The following VAV1 variants were observed in gnomAD, a reference collection of about 807,000 sequenced individuals.
VAV1 encodes the protein proto-oncogene vav.
In VAV1, 33 loss-of-function variants were observed where a neutral mutation model predicts 128.1. That is an observed-to-expected ratio of 0.26 (90% CI 0.20 to 0.34). VAV1 has a LOEUF of 0.34. VAV1 is among the 10% of genes least tolerant of loss of function. VAV1 has a pLI of 1.00. For synonymous variants in VAV1, 394 were observed against 409.8 expected, an observed-to-expected ratio of 0.96 and a Z score of 0.47; for missense variants, 715 against 1,093.7, an observed-to-expected ratio of 0.65 and a Z score of 4.88.
chr19:6,823,262 A>T (rs954353410), intron 6 of VAV1, among the ~76,000 whole-genome samples: 9 of 150,184 alleles, frequency 6.0e-5, no homozygotes, highest in Non-Finnish European at 1.3e-4. Flanking sequence ...AGTAGCTGGG[A>T]TTACAGGCAT....
rs188161586 is a variant in VAV1, at chr19:6,776,826, C to T, written c.204+3815C>T. The stretch of plus-strand genomic sequence containing the variant: ...AGGCTGGAGTGCAGGGGCATGATCT[C>T]GGCTCACTGCAACGTCTGCTTCCTA... On this transcript the variant is annotated intron_variant, in intron 1 of 26. Coordinates refer to ENST00000602142, the MANE Select transcript of VAV1 (RefSeq NM_005428.4). Among the ~76,000 whole-genome samples, 136 of 152,172 alleles carry T rather than the reference C, an allele frequency of 8.9e-4. No homozygotes were observed. In the East Asian group the frequency reaches 0.021, roughly 24 times the overall value.
At chr19:6,794,191 A>C (rs1971077667) in intron 1 of VAV1, among the ~76,000 whole-genome samples, 1 of 151,906 alleles carries the variant, frequency 6.6e-6, no homozygotes, top group African/African-American at 2.4e-5. Context: ...GTAATAAATC[A>C]ATTATTAGTT....
chr19:6,799,900 A>G (rs1052895523), intron 1 of VAV1, among the ~76,000 whole-genome samples: 1 of 151,630 alleles, frequency 6.6e-6, no homozygotes, highest in South Asian at 2.1e-4. Flanking sequence ...AGCTGCTATG[A>G]ACATTCTGTA....
intron 26 of VAV1, among the ~76,000 whole-genome samples, chr19:6,855,849 T>C (rs1414628169): frequency 6.6e-6 from 1 of 151,114 alleles, no homozygotes; most frequent in Admixed American, 6.6e-5. Context: ...ATCTATCCAT[T>C]CATTATCTAT....
At chr19:6,798,211 A>G (rs190069719) in intron 1 of VAV1, among the ~76,000 whole-genome samples, 6 of 152,144 alleles carry the variant, frequency 3.9e-5, no homozygotes, top group African/African-American at 1.2e-4. Flanking sequence ...TGGGAGGCGG[A>G]GGTTGCAGTG....
Position 6,836,585 on chromosome 19 carries a change from C to T in VAV1, c.1914+17C>T. 1 of 1,613,324 alleles carries T rather than the reference C, an allele frequency of 6.2e-7. No homozygotes were observed. Among genetic ancestry groups the T allele is most frequent in the Non-Finnish European group, 8.5e-7 (1 of 1,179,578 alleles). On this transcript the variant is annotated intron_variant, in intron 20 of 26. Coordinates refer to ENST00000602142, the MANE Select transcript of VAV1 (RefSeq NM_005428.4). ...TGGTGGGAGGTACAGGCTGGGGCCA[C>T]AAGAGTGATGGGGTGGGACCCAAGT...
rs1389196157 is a variant in VAV1 at position 6,833,566 on chromosome 19, G to A, written c.1649G>A (p.Arg550Gln). The change falls in exon 17 of 27, where the codon CGG becomes CAG. Residue 550 changes from arginine to glutamine, a missense_variant. Arg to Gln is a conservative substitution (Grantham distance 43). Transcript: ENST00000602142. ...FYQGYRCHRC[R>Q]ASAHKECLGR... ...CAGGGCTACCGCTGCCATCGGTGCCGGGCATCTGCACACAAGGAGTGTCTG... is the reference window on the plus strand; with the variant it reads ...CAGGGCTACCGCTGCCATCGGTGCCAGGCATCTGCACACAAGGAGTGTCTG... The A allele has an allele frequency of 8.1e-6, 13 of 1,612,090 alleles. No individual in the cohort carries two copies. Among genetic ancestry groups the A allele is most frequent in the East Asian group, 2.2e-5 (1 of 44,850 alleles).
At chr19:6,787,634 T>A (rs1243707627) in intron 1 of VAV1, among the ~76,000 whole-genome samples, 2 of 151,680 alleles carry the variant, frequency 1.3e-5, no homozygotes, top group Non-Finnish European at 2.9e-5. Context: ...TTTTGCTCTG[T>A]CACACAGGCT....
intron 1 of VAV1, among the ~76,000 whole-genome samples, chr19:6,785,557 C>T (rs1970870027): frequency 6.6e-6 from 1 of 151,820 alleles, no homozygotes; most frequent in South Asian, 2.1e-4. Flanking sequence ...GTCTCAAACT[C>T]CTGACTTCAG....
intron 21 of VAV1, among the ~76,000 whole-genome samples, chr19:6,840,952 A>T (rs1972360384): frequency 6.6e-6 from 1 of 151,654 alleles, no homozygotes; most frequent in African/African-American, 2.4e-5. Flanking sequence ...TAATTTTTGT[A>T]TTTTTAGTAG....
intron 1 of VAV1, chr19:6,784,288 CA>C: frequency 1.9e-6 from 1 of 521,828 alleles, no homozygotes; most frequent in Non-Finnish European, 3.5e-6. Context: ...GTGGAAATCT[CA>C]ATGGGATGTA....
At chr19:6,775,437 C>T (rs1970600574) in intron 1 of VAV1, among the ~76,000 whole-genome samples, 1 of 152,208 alleles carries the variant, frequency 6.6e-6, no homozygotes, top group African/African-American at 2.4e-5. Context: ...ACTCCAAATA[C>T]AGTCCTAATC....
intron 1 of VAV1, among the ~76,000 whole-genome samples, chr19:6,813,957 G>A (rs1971567196): frequency 6.6e-6 from 1 of 152,120 alleles, no homozygotes; most frequent in Admixed American, 6.6e-5. Context: ...CTACTTGGGA[G>A]ACTGACGCAG....
chr19:6,778,591 G>C (rs1239289923), intron 1 of VAV1, among the ~76,000 whole-genome samples: 1 of 152,116 alleles, frequency 6.6e-6, no homozygotes, highest in Non-Finnish European at 1.5e-5. Flanking sequence ...ACCTTTTAAG[G>C]CTGGGCGGTG....
chr19:6,856,224 G>A (rs1972796875), intron 26 of VAV1, among the ~76,000 whole-genome samples: 1 of 152,022 alleles, frequency 6.6e-6, no homozygotes, highest in East Asian at 1.9e-4. Flanking sequence ...TTGAACCCAG[G>A]AGGCGGAGGC....
Position 6,826,024 on chromosome 19 carries a change from C to T in VAV1, c.828-588C>T, listed in dbSNP as rs1011020084. ...TGCCACTGGACTCCAGCCTAGGCAA[C>T]AGAGCAAGACTCTGTCTCAGAAATA... On this transcript the variant is annotated intron_variant, in intron 8 of 26. Coordinates refer to ENST00000602142, the MANE Select transcript of VAV1 (RefSeq NM_005428.4). This position sits in a 1 kb window ranked among gnomAD's most constrained non-coding sequence, Gnocchi z 4.1. 2.0e-5 allele frequency among the ~76,000 whole-genome samples: 3 copies of T among 151,652 alleles called. No homozygotes were observed. The highest frequency in any genetic ancestry group is 6.6e-5 in the Admixed American group (1 of 15,200).
chr19:6,829,475 G>A (rs1244809447), intron 13 of VAV1, among the ~76,000 whole-genome samples: 8 of 152,132 alleles, frequency 5.3e-5, no homozygotes, highest in African/African-American at 1.9e-4. Context: ...GATGAATTTG[G>A]GGAGGGACCT....
At position 6,836,537 on chromosome 19, in the gene VAV1, C is replaced by T. The variant is rs745565957; in HGVS notation, c.1883C>T (p.Thr628Met). 21 of 1,613,864 alleles carry T rather than the reference C, an allele frequency of 1.3e-5. No individual in the cohort carries two copies. The Admixed American group carries it at 2.5e-4, about 19-fold the overall frequency. The change falls in exon 20 of 27, where the codon ACG becomes ATG. Residue 628 changes from threonine (T) to methionine (M), a missense_variant. Physicochemically the swap from Thr to Met is moderately conservative, Grantham distance 81 (BLOSUM62 -1). Around this residue, in one of 3 missense-constraint regions of VAV1, gnomAD observed 407 missense variants for 580.6 expected, o/e 0.70. Coordinates refer to ENST00000602142, the MANE Select transcript of VAV1 (RefSeq NM_005428.4). ...AACCCTGGAGACATTGTGGAGCTCA[C>T]GAAGGCTGAGGCTGAACAGAACTGG... ...RLNPGDIVEL[T>M]KAEAEQNWWE... is the part of the protein sequence containing the mutation.
chr19:6,791,561 G>A (rs1009482186), intron 1 of VAV1, among the ~76,000 whole-genome samples: 5 of 152,240 alleles, frequency 3.3e-5, no homozygotes, highest in Middle Eastern at 3.4e-3. Context: ...CTGAGACATC[G>A]CCCCATCTCA....
Sources: allele counts gnomAD v4.1 joint callset (sites outside exome capture counted in the v4.1 genomes callset), GRCh38; gene constraint gnomAD v4.1.1; regional missense constraint gnomAD v4.1.1; non-coding constraint Gnocchi (gnomAD v3.1); transcripts MANE v1.5; gene names NCBI Gene and HGNC (gene_info 2026-07-23, HGNC 2026-07-21).